Variants in GPRC6A observed in about 807,000 individuals in gnomAD.
GPRC6A encodes the protein G protein-coupled receptor family C group 6 member A.
A neutral mutation model predicts 47.0 loss-of-function variants in GPRC6A; 54 were observed. The observed-to-expected ratio is 1.15, with a 90% confidence interval of 0.92 to 1.44. GPRC6A has a LOEUF of 1.44. Ranked by LOEUF, GPRC6A falls within the 40% of genes most tolerant of loss-of-function variation. GPRC6A has a pLI of 0.00. For missense variants in GPRC6A, 1,112 were observed against 1,105.5 expected, an observed-to-expected ratio of 1.01 and a Z score of -0.08; for synonymous variants, 347 against 377.1, an observed-to-expected ratio of 0.92 and a Z score of 0.93.
chr6:116,821,479 C>T (rs994331912), intron 1 of GPRC6A, among the ~76,000 whole-genome samples: 1 of 152,048 alleles, frequency 6.6e-6, no homozygotes, highest in African/African-American at 2.4e-5. Flanking sequence ...GCGACAGTAA[C>T]CAAAACAGCA....
At chr6:116,828,246 T>G (rs1332765255) in intron 1 of GPRC6A, among the ~76,000 whole-genome samples, 1 of 152,128 alleles carries the variant, frequency 6.6e-6, no homozygotes, top group Non-Finnish European at 1.5e-5. Context: ...CATTATACTG[T>G]GCCAGTGAAA....
chr6:116,795,167 A>T (rs1432919180), intron 5 of GPRC6A, among the ~76,000 whole-genome samples: 1 of 152,172 alleles, frequency 6.6e-6, no homozygotes, highest in African/African-American at 2.4e-5. Context: ...GTTGGCAAAC[A>T]GTCATTTACT....
At position 116,792,816 on chromosome 6, in the gene GPRC6A, T is replaced by A; in HGVS notation, c.2107A>T (p.Arg703Ter). The change falls in exon 6 of 6, where the codon AGA (arginine) becomes TGA (stop). Residue 703 changes from arginine (R) to a stop codon, truncating the protein, a stop_gained. Coordinates refer to ENST00000310357, the MANE Select transcript of GPRC6A (RefSeq NM_148963.4). LOFTEE classifies it low-confidence loss of function (END_TRUNC). ...CAAGTGAAGATAATAAGGATCGGTC[T>A]ATAGAGGCACTTCAGAAATTTCTGT... ...KLQKFLKCLY[R>*]PILIIFTCTG... The A allele has an allele frequency of 6.2e-7, 1 of 1,614,104 alleles. No homozygotes were observed. The highest frequency in any genetic ancestry group is 8.5e-7 in the Non-Finnish European group (1 of 1,179,990).
chr6:116,820,290 C>T (rs1175872327), intron 1 of GPRC6A, among the ~76,000 whole-genome samples: 1 of 152,192 alleles, frequency 6.6e-6, no homozygotes, highest in Non-Finnish European at 1.5e-5. Context: ...AAAGGAGGAA[C>T]TGGTACCATT....
chr6:116,796,140 T>C (rs1436637971), intron 4 of GPRC6A, among the ~76,000 whole-genome samples: 1 of 152,062 alleles, frequency 6.6e-6, no homozygotes, highest in Non-Finnish European at 1.5e-5. Flanking sequence ...AAGAAAATAA[T>C]GACGGTTTGG....
chr6:116,806,873 G>C lies in GPRC6A; in HGVS notation c.832C>G (p.Leu278Val). The C allele has an allele frequency of 6.2e-7, 1 of 1,613,518 alleles. No individual in the cohort carries two copies. The highest frequency in any genetic ancestry group is 8.5e-7 in the Non-Finnish European group (1 of 1,179,672). ...AGATCAAAAACATGGAATTGCCTCAGAAATACCACAATGACATTAACCTGG... is the reference window on the plus strand; with the variant it reads ...AGATCAAAAACATGGAATTGCCTCACAAATACCACAATGACATTAACCTGG... ...EAQVNVIVVF[L>V]RQFHVFDLFN... Residue 278 changes from leucine to valine, a missense_variant, in exon 3 of 6, where the codon CTG (leucine) becomes GTG (valine). Coordinates refer to ENST00000310357, the MANE Select transcript of GPRC6A (RefSeq NM_148963.4).
intron 1 of GPRC6A, among the ~76,000 whole-genome samples, chr6:116,812,839 G>A (rs1303639358): frequency 2.6e-5 from 4 of 152,194 alleles, no homozygotes. Flanking sequence ...CAGATGACAT[G>A]ACTGTATGTT....
At chr6:116,818,788 A>C (rs995236829) in intron 1 of GPRC6A, among the ~76,000 whole-genome samples, 2 of 151,854 alleles carry the variant, frequency 1.3e-5, no homozygotes, top group African/African-American at 4.8e-5. Context: ...ACTAGGAAGA[A>C]ACTGCATCAA....
intron 1 of GPRC6A, among the ~76,000 whole-genome samples, chr6:116,826,998 T>C (rs1487708808): frequency 6.6e-6 from 1 of 151,804 alleles, no homozygotes; most frequent in Admixed American, 6.6e-5. Context: ...GCTAAAATCA[T>C]TGATATCATA....
At chr6:116,798,717 T>C (rs1194334635) in intron 4 of GPRC6A, among the ~76,000 whole-genome samples, 1 of 151,816 alleles carries the variant, frequency 6.6e-6, no homozygotes, top group Non-Finnish European at 1.5e-5. Flanking sequence ...ACCTCGTCTC[T>C]ACTAAAAATA....
intron 3 of GPRC6A, 52 bp downstream of exon 3, chr6:116,806,309 CAAGGGAGGA>C: frequency 9.5e-7 from 1 of 1,052,822 alleles, no homozygotes; most frequent in Non-Finnish European, 1.4e-6. Context: ...CAAATTAAAA[CAAGGGAGGA>C]AATGGGGAAA....
chr6:116,798,613 G>A (rs1250462015), intron 4 of GPRC6A, among the ~76,000 whole-genome samples: 1 of 152,050 alleles, frequency 6.6e-6, no homozygotes, highest in African/African-American at 2.4e-5. Context: ...GGGCTGGCGC[G>A]GTGGGTTATG....
chr6:116,823,225 T>C (rs1773564273), intron 1 of GPRC6A, among the ~76,000 whole-genome samples: 2 of 152,178 alleles, frequency 1.3e-5, no homozygotes, highest in Admixed American at 1.3e-4. Flanking sequence ...ACATATGAGC[T>C]AGGCTATTAA....
chr6:116,828,979 A>C lies in GPRC6A; in HGVS notation c.35T>G (p.Val12Gly). ...AFLIILITCF[V>G]IILATSQPCQ... ...AGGCTGTGAAGTAGCAAGAATAATCACAAAGCAGGTAATTAGTATAATTAA... is the reference window on the plus strand; with the variant it reads ...AGGCTGTGAAGTAGCAAGAATAATCCCAAAGCAGGTAATTAGTATAATTAA... Residue 12 changes from valine (V) to glycine (G), a missense_variant, in exon 1 of 6, where the codon GTG (valine) becomes GGG (glycine). Physicochemically the swap from Val to Gly is moderately radical, Grantham distance 109. Transcript: ENST00000310357. 6.2e-7 allele frequency: 1 copy of C among 1,613,120 alleles called. No homozygotes were observed. Among genetic ancestry groups the C allele is most frequent in the Non-Finnish European group, 8.5e-7 (1 of 1,179,410 alleles).
At chr6:116,822,897 A>G (rs1474776350) in intron 1 of GPRC6A, among the ~76,000 whole-genome samples, 2 of 150,544 alleles carry the variant, frequency 1.3e-5, no homozygotes, top group East Asian at 3.9e-4. Context: ...TCTCTAAAAA[A>G]AAAAAAAAAA....
chr6:116,808,024 TG>T (rs1200052271), intron 2 of GPRC6A, among the ~76,000 whole-genome samples: 1 of 151,818 alleles, frequency 6.6e-6, no homozygotes, highest in Non-Finnish European at 1.5e-5. Context: ...TACTTACAGC[TG>T]CCATGTGGTG....
intron 1 of GPRC6A, among the ~76,000 whole-genome samples, chr6:116,824,050 A>G (rs966498078): frequency 6.6e-6 from 1 of 152,134 alleles, no homozygotes; most frequent in African/African-American, 2.4e-5. Flanking sequence ...GCAAAGACAC[A>G]GATCCAAACC....
At chr6:116,801,945 A>G (rs761501667) in intron 3 of GPRC6A, among the ~76,000 whole-genome samples, 2 of 152,070 alleles carry the variant, frequency 1.3e-5, no homozygotes, top group Non-Finnish European at 2.9e-5. Context: ...GCAAGGGCCT[A>G]CCTCCAATGT....
At position 116,806,801 on chromosome 6, in the gene GPRC6A, T is replaced by C. The variant is rs1744222127; in HGVS notation, c.904A>G (p.Ser302Gly). The C allele has an allele frequency of 6.2e-7, 1 of 1,613,532 alleles. No homozygotes were observed. The highest frequency in any genetic ancestry group is 1.3e-5 in the African/African-American group (1 of 74,998). Reference sequence around the variant, plus strand: ...TTGGTGGCAGTTGACCAATTATCACTAGCAATCCACATCTTATTTATATTC... The same window carrying C: ...TTGGTGGCAGTTGACCAATTATCACCAGCAATCCACATCTTATTTATATTC... ...EMNINKMWIA[S>G]DNWSTATKIT... Residue 302 changes from serine to glycine, a missense_variant, in exon 3 of 6, where the codon AGT (serine) becomes GGT (glycine). Coordinates refer to ENST00000310357, the MANE Select transcript of GPRC6A (RefSeq NM_148963.4).
Sources: allele counts gnomAD v4.1 joint callset (sites outside exome capture counted in the v4.1 genomes callset), GRCh38; gene constraint gnomAD v4.1.1; transcripts MANE v1.5; gene names NCBI Gene and HGNC (gene_info 2026-07-23, HGNC 2026-07-21).